The following PFKP variants were observed in gnomAD, a reference collection of about 807,000 sequenced individuals.
PFKP encodes ATP-dependent 6-phosphofructokinase, platelet type.
PFKP carries 101 observed loss-of-function variants against 94.3 expected under a neutral mutation model. That is an observed-to-expected ratio of 1.07 (90% CI 0.91 to 1.26). The LOEUF (loss-of-function observed/expected upper bound fraction) is 1.26. Among genes scored for constraint, PFKP ranks in the 50% most tolerant of loss-of-function variants. The pLI is 0.00. For missense variants in PFKP, 1,145 were observed against 1,103.3 expected (o/e 1.04, Z -0.53); for synonymous variants, 573 against 432.6 (o/e 1.32, Z -4.03).
intron 5 of PFKP, 138 bp downstream of exon 5, chr10:3,104,082 T>A: frequency 1.5e-6 from 1 of 677,770 alleles, no homozygotes; most frequent in South Asian, 2.1e-5. Context: ...TAGGAGCTAT[T>A]GCCAGAACAT....
At chr10:3,136,061 C>G (rs147140633) in intron 21 of PFKP, among the ~76,000 whole-genome samples, 38 of 152,216 alleles carry the variant, frequency 2.5e-4, no homozygotes, top group African/African-American at 4.3e-4. Flanking sequence ...GTCAAGAGAT[C>G]GAGACCAACC....
chr10:3,130,306 C>T (rs115086479), intron 17 of PFKP, among the ~76,000 whole-genome samples: 1,810 of 152,340 alleles, frequency 0.012, 42 homozygotes, highest in African/African-American at 0.042. Flanking sequence ...TCACCACCCA[C>T]GTCTGCGACA....
At chr10:3,122,408 G>GA (rs1837519041) in intron 16 of PFKP, among the ~76,000 whole-genome samples, 1 of 152,222 alleles carries the variant, frequency 6.6e-6, no homozygotes, top group African/African-American at 2.4e-5. Context: ...ACCCTGAAGG[G>GA]AGAGGGACCG....
chr10:3,086,540 G>T (rs1373930790), intron 2 of PFKP, among the ~76,000 whole-genome samples: 1 of 152,188 alleles, frequency 6.6e-6, no homozygotes, highest in Non-Finnish European at 1.5e-5. Flanking sequence ...AATGTACTGG[G>T]GAGAGGCCAG....
chr10:3,118,456 G>A (rs1837048588), intron 14 of PFKP, among the ~76,000 whole-genome samples: 1 of 147,830 alleles, frequency 6.8e-6, no homozygotes, highest in African/African-American at 2.6e-5. Context: ...AACAAAGTGA[G>A]ACTCCATCTT....
chr10:3,088,693 C>A (rs1205391767), intron 2 of PFKP, among the ~76,000 whole-genome samples: 1 of 152,108 alleles, frequency 6.6e-6, no homozygotes, highest in East Asian at 1.9e-4. Context: ...TTATGGGGTA[C>A]ATGTGATTTT....
intron 2 of PFKP, 127 bp from the exon 3 acceptor site, chr10:3,099,148 C>A: frequency 1.3e-6 from 1 of 745,242 alleles, no homozygotes; most frequent in South Asian, 1.6e-5. Flanking sequence ...ACTGCCCTGT[C>A]TTCTGACCAG....
rs373214698 is a variant in PFKP, at chr10:3,103,951, C to A, written c.620+7C>A. On this transcript the variant is annotated splice_region_variant and intron_variant, in intron 5 of 21. Transcript: ENST00000381125. ...TCATGACCACGGCCCAGAGGTAAAG[C>A]GCTCAGAGGAACCGGCGGGAGGCCA... The A allele has an allele frequency of 1.2e-6, 2 of 1,612,570 alleles. No homozygotes were observed. The highest frequency in any genetic ancestry group is 2.7e-5 in the African/African-American group (2 of 74,922).
chr10:3,076,477 G>A (rs942779965), intron 1 of PFKP, among the ~76,000 whole-genome samples: 1 of 151,794 alleles, frequency 6.6e-6, no homozygotes, highest in Admixed American at 6.6e-5. Context: ...TTCTCCAAAC[G>A]TCACTCTCAG....
At chr10:3,118,958 C>A in intron 15 of PFKP, 89 bp downstream of exon 15, 1 of 911,152 alleles carries the variant, frequency 1.1e-6, no homozygotes, top group Non-Finnish European at 1.7e-6. Context: ...GGCTACTGGC[C>A]ACGATCCGAG....
At chr10:3,072,341 G>A (rs976976491) in intron 1 of PFKP, among the ~76,000 whole-genome samples, 5 of 152,230 alleles carry the variant, frequency 3.3e-5, no homozygotes, top group South Asian at 2.1e-4. Context: ...CCCCACATGG[G>A]CACCTTTGGT....
At chr10:3,094,207 G>A (rs1186076320) in intron 2 of PFKP, among the ~76,000 whole-genome samples, 1 of 152,174 alleles carries the variant, frequency 6.6e-6, no homozygotes, top group Admixed American at 6.5e-5. Context: ...CTCTCTACAG[G>A]GGAGGAAGGG....
At chr10:3,126,939 C>A (rs1210134930) in intron 16 of PFKP, among the ~76,000 whole-genome samples, 1 of 152,236 alleles carries the variant, frequency 6.6e-6, no homozygotes, top group Admixed American at 6.5e-5. Context: ...CTGACAAGTG[C>A]CACTCACAGC....
Position 3,119,939 on chromosome 10 carries a change from G to C in PFKP, c.1578G>C (p.Glu526Asp), listed in dbSNP as rs748005443. 3 of 1,614,154 alleles carry C rather than the reference G, an allele frequency of 1.9e-6. No homozygotes were observed. The highest frequency in any genetic ancestry group is 1.7e-6 in the Non-Finnish European group (2 of 1,180,018). ...TGTCAGCCGCCCGGGAGAAGCACGA[G>C]GAGTTCTGTGTCCCCATGGTCATGG... The part of the protein sequence containing the change: ...LELSAAREKH[E>D]EFCVPMVMVP... The change falls in exon 16 of 22, where the codon GAG becomes GAC. Residue 526 changes from glutamate to aspartate, a missense_variant. Physicochemically the swap from Glu to Asp is conservative, Grantham distance 45. This residue lies in a region of PFKP where 1,119 missense variants were observed against 1,062.8 expected (regional missense o/e 1.05). Coordinates refer to ENST00000381125, the MANE Select transcript of PFKP (RefSeq NM_002627.5).
intron 2 of PFKP, among the ~76,000 whole-genome samples, chr10:3,088,169 C>A (rs11251707): frequency 4.6e-4 from 57 of 124,750 alleles, no homozygotes; most frequent in Middle Eastern, 4.0e-3. Flanking sequence ...CAACAGGCCC[C>A]GGTGTGTGAT....
chr10:3,109,175 C>T (rs1250276381), intron 9 of PFKP, among the ~76,000 whole-genome samples, 180 bp from the exon 10 acceptor site: 1 of 152,226 alleles, frequency 6.6e-6, no homozygotes, highest in African/African-American at 2.4e-5. Context: ...GACCTCCTCT[C>T]TGTTCCCGTC....
At chr10:3,125,390 CAG>C (rs1837843563) in intron 16 of PFKP, 1 of 534,092 alleles carries the variant, frequency 1.9e-6, no homozygotes, top group Admixed American at 5.5e-5. Context: ...CTGGCCAGAA[CAG>C]GGTAAAATTT....
At chr10:3,082,778 G>A (rs1365301845) in intron 2 of PFKP, among the ~76,000 whole-genome samples, 1 of 152,164 alleles carries the variant, frequency 6.6e-6, no homozygotes, top group Non-Finnish European at 1.5e-5. Flanking sequence ...GAGTGCAGAG[G>A]CACGATCTTG....
chr10:3,132,842 G>A (rs995779803), intron 18 of PFKP, among the ~76,000 whole-genome samples: 1 of 152,168 alleles, frequency 6.6e-6, no homozygotes, highest in East Asian at 1.9e-4. Context: ...TGGCTACTGA[G>A]TGACTCGGGC....
Sources: gnomAD v4.1 joint callset for allele counts (sites outside exome capture counted in the v4.1 genomes callset) on GRCh38, gnomAD v4.1.1 for gene constraint, gnomAD v4.1.1 regional missense constraint, MANE v1.5 for transcripts, NCBI Gene and HGNC (gene_info 2026-07-23, HGNC 2026-07-21) for gene names.